Variants in MAGI1 observed in about 807,000 individuals in gnomAD.
The protein encoded by MAGI1 is membrane-associated guanylate kinase, WW and PDZ domain-containing protein 1.
Under a neutral mutation model 139.9 loss-of-function variants are expected in MAGI1, and 58 were observed. That is an observed-to-expected ratio of 0.41 (90% CI 0.34 to 0.52). The LOEUF is 0.52. Among genes scored for constraint, MAGI1 ranks in the 20% least tolerant of loss-of-function variants. The probability of loss-of-function intolerance (pLI) is 0.12; values close to 1 mark genes in which losing one functional copy is unlikely to be tolerated. For synonymous variants in MAGI1, 812 were observed against 737.9 expected (o/e 1.10, Z -1.63); for missense variants, 1,874 against 1,901.6 (o/e 0.99, Z 0.27).
intron 12 of MAGI1, among the ~76,000 whole-genome samples, chr3:65,409,386 G>A (rs1405629509): frequency 1.3e-5 from 2 of 152,172 alleles, no homozygotes; most frequent in Non-Finnish European, 2.9e-5. Context: ...AGTGAAGAAT[G>A]GCTAGCATTT....
chr3:66,031,896 G>A (rs1001049991), intron 1 of MAGI1, among the ~76,000 whole-genome samples: 3 of 152,136 alleles, frequency 2.0e-5, no homozygotes, highest in East Asian at 3.9e-4. Flanking sequence ...CATCCTGCCT[G>A]CTGAACATCT....
chr3:65,633,222 T>C (rs1314876740), intron 1 of MAGI1, among the ~76,000 whole-genome samples: 2 of 152,290 alleles, frequency 1.3e-5, no homozygotes, highest in African/African-American at 2.4e-5. Context: ...GCCACCCCAC[T>C]GTGCGGCTGA....
intron 2 of MAGI1, among the ~76,000 whole-genome samples, chr3:65,602,937 C>T (rs1429297674): frequency 6.6e-6 from 1 of 152,022 alleles, no homozygotes; most frequent in African/African-American, 2.4e-5. Context: ...GATTTATTTT[C>T]ATGTATAAGA....
At chr3:65,460,406 T>G (rs1006180295) in intron 5 of MAGI1, among the ~76,000 whole-genome samples, 2 of 152,228 alleles carry the variant, frequency 1.3e-5, no homozygotes, top group African/African-American at 4.8e-5. Context: ...GAAGACATTA[T>G]GTAGAAATAG....
chr3:66,021,393 A>C (rs1408840571), intron 1 of MAGI1, among the ~76,000 whole-genome samples: 1 of 152,228 alleles, frequency 6.6e-6, no homozygotes, highest in East Asian at 1.9e-4. Flanking sequence ...CTGAAGCAAG[A>C]AAATGAACTT....
intron 1 of MAGI1, among the ~76,000 whole-genome samples, chr3:65,797,250 G>A (rs1485996383): frequency 6.6e-6 from 1 of 152,142 alleles, no homozygotes; most frequent in African/African-American, 2.4e-5. Context: ...AAAGAGTGGA[G>A]GCAGGTAAAC....
chr3:65,821,838 T>C (rs7624282), intron 1 of MAGI1, among the ~76,000 whole-genome samples: 102,272 of 152,032 alleles, frequency 0.67, 34,874 homozygotes, highest in East Asian at 0.95. Flanking sequence ...GAGAGTGAGA[T>C]GTCAGTGATG....
At chr3:65,749,792 C>A (rs566491577) in intron 1 of MAGI1, among the ~76,000 whole-genome samples, 3 of 150,968 alleles carry the variant, frequency 2.0e-5, no homozygotes, top group Non-Finnish European at 4.4e-5. Context: ...AGAAATGATA[C>A]GCTGAATCAA....
chr3:65,978,630 T>G (rs1560075672), intron 1 of MAGI1, among the ~76,000 whole-genome samples: 1 of 150,294 alleles, frequency 6.7e-6, no homozygotes, highest in East Asian at 1.9e-4. Flanking sequence ...TCTTTTTTTT[T>G]TTTTTTTTTC....
intron 5 of MAGI1, among the ~76,000 whole-genome samples, chr3:65,454,944 T>C (rs80164139): frequency 6.6e-6 from 1 of 152,154 alleles, no homozygotes; most frequent in East Asian, 1.9e-4. Context: ...AAACTGATAA[T>C]AGAAAGGTAA....
intron 1 of MAGI1, among the ~76,000 whole-genome samples, chr3:66,010,048 C>T (rs1213531652): frequency 1.6e-5 from 2 of 126,652 alleles, no homozygotes; most frequent in Non-Finnish European, 3.1e-5. Context: ...TGTACTCCAG[C>T]CTGGGTGACA....
chr3:65,951,331 T>A (rs747647438), intron 1 of MAGI1, among the ~76,000 whole-genome samples: 10 of 152,214 alleles, frequency 6.6e-5, no homozygotes, highest in Non-Finnish European at 1.5e-4. Context: ...ATGATTCAAA[T>A]TGAAAATACT....
At chr3:65,380,803 C>T (rs992769556) in intron 16 of MAGI1, 11 of 152,138 alleles carry the variant, frequency 7.2e-5, no homozygotes, top group African/African-American at 2.7e-4. Context: ...AAAACTCGTT[C>T]CAGCTGACTG....
chr3:65,967,779 A>G (rs1161766961), intron 1 of MAGI1, among the ~76,000 whole-genome samples: 1 of 152,216 alleles, frequency 6.6e-6, no homozygotes, highest in East Asian at 1.9e-4. Flanking sequence ...ACAGATTTCA[A>G]CTTCTCAGGC....
Position 66,018,946 on chromosome 3 carries a change from A to G in MAGI1, c.313+19050T>C, listed in dbSNP as rs73833349. ...CCGGTAAATTCTCGTATCTTCCCTG[A>G]GCCATATCCAATTGGAAGGTACCTA... On this transcript the variant is annotated intron_variant, in intron 1 of 22. Coordinates refer to ENST00000402939, the MANE Select transcript of MAGI1 (RefSeq NM_001033057.2). 7.9e-4 allele frequency among the ~76,000 whole-genome samples: 120 copies of G among 150,974 alleles called. 1 individual carries two copies. Among genetic ancestry groups the G allele is most frequent in the African/African-American group, 2.7e-3 (112 of 41,396 alleles).
At chr3:65,845,525 A>T (rs541396973) in intron 1 of MAGI1, among the ~76,000 whole-genome samples, 1 of 152,196 alleles carries the variant, frequency 6.6e-6, no homozygotes, top group African/African-American at 2.4e-5. Context: ...CACTCAAAAA[A>T]TGCCACCTAT....
chr3:65,388,831 C>CT (rs1440812661), intron 14 of MAGI1, among the ~76,000 whole-genome samples: 18 of 132,874 alleles, frequency 1.4e-4, no homozygotes, highest in African/African-American at 5.0e-4. Flanking sequence ...GGCACCATTC[C>CT]GAATTTTTTT....
At chr3:65,880,906 G>GGTGTGTGTGTGT (rs546077506) in intron 1 of MAGI1, among the ~76,000 whole-genome samples, 2 of 88,730 alleles carry the variant, frequency 2.3e-5, no homozygotes, top group African/African-American at 1.2e-4. Flanking sequence ...AAATATCTCT[G>GGTGTGTGTGTGT]GCGTGTGTGT....
chr3:65,387,067 C>A, intron 14 of MAGI1: 2 of 1,315,692 alleles, frequency 1.5e-6, no homozygotes, highest in South Asian at 1.2e-5. Flanking sequence ...AACTTCTCCC[C>A]AGGCCCCCAG....
Sources: allele counts gnomAD v4.1 joint callset (sites outside exome capture counted in the v4.1 genomes callset), GRCh38; gene constraint gnomAD v4.1.1; transcripts MANE v1.5; gene names NCBI Gene and HGNC (gene_info 2026-07-23, HGNC 2026-07-21).